The following GRIK4 variants were observed in gnomAD, a reference collection of about 807,000 sequenced individuals.
The protein encoded by GRIK4 is glutamate receptor ionotropic, kainate 4.
A neutral mutation model predicts 104.9 loss-of-function variants in GRIK4; 40 were observed. The ratio of observed to expected loss-of-function variants is 0.38; its 90% confidence interval spans 0.30 to 0.50. The LOEUF is 0.50. Among genes scored for constraint, GRIK4 ranks in the 20% least tolerant of loss-of-function variants. The pLI is 0.93. For missense variants in GRIK4, 1,047 were observed against 1,308.1 expected, an observed-to-expected ratio of 0.80 and a Z score of 3.08; for synonymous variants, 485 against 524.9, an observed-to-expected ratio of 0.92 and a Z score of 1.04.
intron 1 of GRIK4, among the ~76,000 whole-genome samples, chr11:120,526,657 ACC>A (rs1720089199): frequency 1.3e-5 from 2 of 151,434 alleles, no homozygotes; most frequent in Non-Finnish European, 2.9e-5. Flanking sequence ...ACATGGTGAA[ACC>A]CCATCTCCCC....
intron 3 of GRIK4, among the ~76,000 whole-genome samples, chr11:120,665,982 C>T (rs1235691551): frequency 6.6e-6 from 1 of 152,152 alleles, no homozygotes; most frequent in East Asian, 1.9e-4. Context: ...ACTGTAACTT[C>T]ATCTGTAATC....
chr11:120,704,937 T>C (rs539864759), intron 3 of GRIK4, among the ~76,000 whole-genome samples: 12 of 152,272 alleles, frequency 7.9e-5, no homozygotes, highest in African/African-American at 2.6e-4. Flanking sequence ...CCCAGAACCA[T>C]TTGTTGAATA....
At chr11:120,969,796 G>A (rs533253577) in intron 19 of GRIK4, among the ~76,000 whole-genome samples, 1 of 152,262 alleles carries the variant, frequency 6.6e-6, no homozygotes, top group Non-Finnish European at 1.5e-5. Context: ...TAGAGCAGAA[G>A]GACCTTCTGC....
chr11:120,868,051 G>T (rs2135656752), intron 9 of GRIK4: 1 of 152,314 alleles, frequency 6.6e-6, no homozygotes, highest in African/African-American at 2.4e-5. Context: ...AGCTGCAGAA[G>T]TTCAGAGACA....
chr11:120,933,293 C>T (rs1943519799), intron 13 of GRIK4, among the ~76,000 whole-genome samples: 1 of 152,244 alleles, frequency 6.6e-6, no homozygotes, highest in Non-Finnish European at 1.5e-5. Context: ...GCCCACAACT[C>T]ATCATAAGGT....
chr11:120,888,404 T>A (rs1483088730), intron 11 of GRIK4, among the ~76,000 whole-genome samples: 2 of 152,120 alleles, frequency 1.3e-5, no homozygotes, highest in Non-Finnish European at 2.9e-5. Context: ...TCCCTTGTGA[T>A]GTGGTTGGGA....
chr11:120,698,399 G>A (rs145720425), intron 3 of GRIK4, among the ~76,000 whole-genome samples: 67 of 152,346 alleles, frequency 4.4e-4, no homozygotes, highest in African/African-American at 1.6e-3. Context: ...ACTGCTGGCT[G>A]TGTAACCTTG....
At position 120,591,067 on chromosome 11, in the gene GRIK4, G is replaced by T. The variant is rs190673276; in HGVS notation, c.-158-62618G>T. Among the ~76,000 whole-genome samples the T allele has an allele frequency of 1.1e-4, 16 of 152,186 alleles. No homozygotes were observed. In the East Asian group the frequency reaches 3.1e-3, roughly 30 times the overall value. On this transcript the variant is annotated intron_variant, in intron 1 of 20. Coordinates refer to ENST00000527524, the MANE Select transcript of GRIK4 (RefSeq NM_014619.5). ...CTTCACCTGCTTCCTTCTCACACTG[G>T]AAGCGTAAATGGAGGCAAGTCACCA... is the stretch of plus-strand genomic sequence containing the variant.
At chr11:120,948,027 A>C (rs1943905341) in intron 14 of GRIK4, among the ~76,000 whole-genome samples, 1 of 152,210 alleles carries the variant, frequency 6.6e-6, no homozygotes, top group Admixed American at 6.5e-5. Flanking sequence ...TCTTGGAGTC[A>C]GAGGTGGAAA....
chr11:120,818,333 AC>A (rs1953014857), intron 5 of GRIK4, among the ~76,000 whole-genome samples: 1 of 152,154 alleles, frequency 6.6e-6, no homozygotes, highest in African/African-American at 2.4e-5. Context: ...CCCATTTGTG[AC>A]CTTTTCCTTT....
At chr11:120,737,519 A>T (rs144648857) in intron 3 of GRIK4, among the ~76,000 whole-genome samples, 215 of 152,358 alleles carry the variant, frequency 1.4e-3, no homozygotes, top group African/African-American at 5.0e-3. Context: ...GCACGGAAGT[A>T]TGCAGGCCAC....
intron 1 of GRIK4, among the ~76,000 whole-genome samples, chr11:120,572,268 G>C (rs191893155): frequency 1.3e-5 from 2 of 152,230 alleles, no homozygotes; most frequent in Admixed American, 6.5e-5. Flanking sequence ...GTCACCTTGG[G>C]GGGTAAGACG....
Position 120,962,503 on chromosome 11 carries a change from C to T in GRIK4, c.2088C>T (p.Ser696=). The T allele has an allele frequency of 6.2e-7, 1 of 1,614,096 alleles. No individual in the cohort carries two copies. The highest frequency in any genetic ancestry group is 8.5e-7 in the Non-Finnish European group (1 of 1,179,982). Residue 696 remains serine (S), a synonymous_variant, in exon 18 of 21, where the codon TCC becomes TCT. Transcript: ENST00000527524. ...TYQRMWNYMY[S]KQPSVFVKST... ...AACGCATGTGGAATTACATGTATTC[C>T]AAGCAGCCCAGCGTGTTCGTGAAGA...
chr11:120,816,480 A>G (rs1241341919), intron 5 of GRIK4, among the ~76,000 whole-genome samples: 1 of 152,120 alleles, frequency 6.6e-6, no homozygotes, highest in African/African-American at 2.4e-5. Flanking sequence ...TCAGCCTTCC[A>G]GAAGCTCTAG....
At chr11:120,718,149 A>G (rs1397052277) in intron 3 of GRIK4, among the ~76,000 whole-genome samples, 2 of 151,984 alleles carry the variant, frequency 1.3e-5, no homozygotes, top group Non-Finnish European at 2.9e-5. Flanking sequence ...CCTCTCTTCC[A>G]GGGTGTTCCT....
chr11:120,928,994 C>T (rs972933948), intron 13 of GRIK4, among the ~76,000 whole-genome samples: 3 of 145,734 alleles, frequency 2.1e-5, no homozygotes, highest in Non-Finnish European at 4.5e-5. Context: ...TGTGTGCGCG[C>T]GTGCACGCGT....
intron 3 of GRIK4, among the ~76,000 whole-genome samples, chr11:120,663,432 C>A (rs776036193): frequency 7.2e-5 from 11 of 152,220 alleles, no homozygotes; most frequent in African/African-American, 1.4e-4. Flanking sequence ...CTTCTCCATG[C>A]ACCCATGGGC....
chr11:120,672,155 C>T (rs747341484), intron 3 of GRIK4, among the ~76,000 whole-genome samples: 5 of 152,090 alleles, frequency 3.3e-5, no homozygotes, highest in African/African-American at 4.8e-5. Flanking sequence ...CAGTGGCTCA[C>T]GCCTGTAATC....
intron 3 of GRIK4, among the ~76,000 whole-genome samples, chr11:120,670,767 A>C (rs981614419): frequency 5.3e-5 from 8 of 152,196 alleles, no homozygotes; most frequent in African/African-American, 1.9e-4. Flanking sequence ...CAGGTTTGTT[A>C]CATAGATATA....
Sources: allele counts gnomAD v4.1 joint callset (sites outside exome capture counted in the v4.1 genomes callset), GRCh38; gene constraint gnomAD v4.1.1; transcripts MANE v1.5; gene names NCBI Gene and HGNC (gene_info 2026-07-23, HGNC 2026-07-21).